The following PON3 variants were observed in gnomAD, a reference collection of about 807,000 sequenced individuals.
PON3 encodes the protein paraoxonase 3, also known as serum paraoxonase/lactonase 3.
Under a neutral mutation model 36.3 loss-of-function variants are expected in PON3, and 37 were observed. The observed-to-expected ratio is 1.02, with a 90% CI of 0.78 to 1.34. The LOEUF is 1.34. Ranked by LOEUF, PON3 falls within the 40% of genes most tolerant of loss-of-function variation. PON3 has a pLI of 0.00. For missense variants in PON3, 415 were observed against 426.5 expected (o/e 0.97, Z 0.24); for synonymous variants, 155 against 154.8 (o/e 1.00, Z -0.01).
At chr7:95,372,118 T>A in intron 4 of PON3, 55 bp downstream of exon 4, 1 of 1,548,388 alleles carries the variant, frequency 6.5e-7, no homozygotes, top group Non-Finnish European at 8.9e-7. Flanking sequence ...GGGCTGGAGA[T>A]AAATGGTTTC....
In PON3 at chr7:95,394,643, C is replaced by G; in HGVS notation, c.145+1G>C. ...TCCTCTTGGTACTGTCACATACATA[C>G]CAAGTTCCTCAATAAGGTGGCAGTT... On this transcript the variant is annotated splice_donor_variant, in intron 2 of 8. Coordinates refer to ENST00000265627, the MANE Select transcript of PON3 (RefSeq NM_000940.3). LOFTEE classifies it high-confidence loss of function. 1 of 1,613,590 alleles carries G rather than the reference C, an allele frequency of 6.2e-7. No homozygotes were observed. Among genetic ancestry groups the G allele is most frequent in the East Asian group, 2.2e-5 (1 of 44,862 alleles).
intron 4 of PON3, among the ~76,000 whole-genome samples, chr7:95,371,113 G>C (rs1189653847): frequency 6.6e-6 from 1 of 152,144 alleles, no homozygotes; most frequent in Non-Finnish European, 1.5e-5. Flanking sequence ...CCATATTATA[G>C]CATGCATGAG....
chr7:95,384,676 C>T (rs903416682), intron 3 of PON3, among the ~76,000 whole-genome samples: 14 of 152,050 alleles, frequency 9.2e-5, no homozygotes, highest in African/African-American at 2.4e-4. Context: ...GTTAGAATGA[C>T]GATCATTAAA....
At chr7:95,362,548 C>T (rs116755017) in intron 7 of PON3, 58 bp from the exon 8 acceptor site, 2 of 1,609,596 alleles carry the variant, frequency 1.2e-6, no homozygotes, top group African/African-American at 2.7e-5. Flanking sequence ...GCTTTCTTCC[C>T]TATTCATCCC....
rs749382548 is a variant in PON3, at chr7:95,390,200, G to C, written c.155C>G (p.Ser52Cys). The change falls in exon 3 of 9, where the codon TCT becomes TGT. Residue 52 changes from serine (S) to cysteine (C), a missense_variant. Ser to Cys is a moderately radical substitution (Grantham distance 112). Transcript: ENST00000265627. ...ACTAGGAAGTATATCAATATCTTCA[G>C]AGCCACTTTCTGCAAAAGAAGGGTA... is the stretch of plus-strand genomic sequence containing the variant. ...CHLIEELESG[S>C]EDIDILPSGL... 1.9e-6 allele frequency: 3 copies of C among 1,611,398 alleles called. No homozygotes were observed. Among genetic ancestry groups the C allele is most frequent in the East Asian group, 2.2e-5 (1 of 44,862 alleles).
chr7:95,363,899 C>CA lies in PON3; in HGVS notation c.658dup (p.Cys220LeufsTer2). On this transcript the variant is annotated frameshift_variant, in exon 6 of 9. Coordinates refer to ENST00000265627, the MANE Select transcript of PON3 (RefSeq NM_000940.3). LOFTEE classifies it high-confidence loss of function. ...TGAGACTGTGATCCCATTGGCACTACAAAATCCTTTGGCCACCACTTTAAC... is the reference window on the plus strand; with the variant it reads ...TGAGACTGTGATCCCATTGGCACTACAAAAATCCTTTGGCCACCACTTTAAC... The CA allele has an allele frequency of 6.2e-7, 1 of 1,613,718 alleles. No homozygotes were observed. The highest frequency in any genetic ancestry group is 1.7e-4 in the Middle Eastern group (1 of 6,056).
chr7:95,386,658 G>T (rs953054956), intron 3 of PON3, among the ~76,000 whole-genome samples: 1 of 152,110 alleles, frequency 6.6e-6, no homozygotes, highest in African/African-American at 2.4e-5. Context: ...TGATACCAAA[G>T]CCTGGCAGAG....
At chr7:95,380,884 C>A (rs561757684) in intron 3 of PON3, among the ~76,000 whole-genome samples, 2 of 152,082 alleles carry the variant, frequency 1.3e-5, no homozygotes, top group African/African-American at 4.8e-5. Flanking sequence ...AACAGCAACT[C>A]CAAGACACAT....
chr7:95,375,119 TATGCTCCCCA>T (rs1808886117), intron 3 of PON3, among the ~76,000 whole-genome samples: 2 of 152,146 alleles, frequency 1.3e-5, no homozygotes, highest in South Asian at 4.2e-4. Context: ...AGGACATCAC[TATGCTCCCCA>T]ACATCAGAAC....
At chr7:95,382,358 A>G (rs1809078572) in intron 3 of PON3, among the ~76,000 whole-genome samples, 2 of 152,214 alleles carry the variant, frequency 1.3e-5, no homozygotes, top group Non-Finnish European at 2.9e-5. Context: ...AGATCAGAGC[A>G]GAACTGAAGG....
intron 5 of PON3, 93 bp downstream of exon 5, chr7:95,367,268 AC>A (rs2116382566): frequency 1.4e-6 from 2 of 1,478,004 alleles, no homozygotes; most frequent in East Asian, 4.5e-5. Flanking sequence ...CAATTTCAAA[AC>A]AAAAGTTTAA....
chr7:95,382,561 G>C (rs1446336402), intron 3 of PON3, among the ~76,000 whole-genome samples: 1 of 151,982 alleles, frequency 6.6e-6, no homozygotes, highest in African/African-American at 2.4e-5. Context: ...ACCATCACAG[G>C]ATACTATAAA....
rs759434895 is a variant in PON3 at position 95,372,264 on chromosome 7, T to C, written c.276A>G (p.Glu92=). The change falls in exon 4 of 9, where the codon GAA becomes GAG. Residue 92 remains glutamate (E), a synonymous_variant. Coordinates refer to ENST00000265627, the MANE Select transcript of PON3 (RefSeq NM_000940.3). ...PGKIFLMDLN[E]QNPRAQALEI... ...CTAGCGCTTGTGCCCTTGGGTTTTG[T>C]TCATTCAGATCCATCAAGAAGATTT... 2 of 1,614,010 alleles carry C rather than the reference T, an allele frequency of 1.2e-6. No individual in the cohort carries two copies. Among genetic ancestry groups the C allele is most frequent in the Non-Finnish European group, 1.7e-6 (2 of 1,179,894 alleles).
At chr7:95,379,818 A>T (rs1391301396) in intron 3 of PON3, among the ~76,000 whole-genome samples, 1 of 152,206 alleles carries the variant, frequency 6.6e-6, no homozygotes, top group Non-Finnish European at 1.5e-5. Flanking sequence ...ACCTCTGCAG[A>T]CTTAAATGTC....
At chr7:95,394,503 ATG>A in intron 2 of PON3, 139 bp downstream of exon 2, 1 of 729,704 alleles carries the variant, frequency 1.4e-6, no homozygotes, top group South Asian at 1.5e-5. Context: ...AAGACCTTGC[ATG>A]GGGCAGAGTG....
chr7:95,372,055 A>T (rs1808819461), intron 4 of PON3, 118 bp downstream of exon 4: 28 of 1,219,874 alleles, frequency 2.3e-5, no homozygotes, highest in Non-Finnish European at 3.1e-5. Context: ...TAAAAAAAAC[A>T]CATCTGTATG....
chr7:95,377,570 A>G lies in PON3; in HGVS notation c.202-5232T>C. 4.7e-6 allele frequency: 2 copies of G among 428,956 alleles called. 1 individual carries two copies. The highest frequency in any genetic ancestry group is 3.2e-5 in the South Asian group (2 of 62,234). The allele number at this position is 428,956 out of a possible 1,614,324, so 26.6% of individuals were successfully genotyped here. A position where few individuals can be genotyped will look rare whatever the true frequency, so the allele number is the denominator to read the frequency against. ...GATGCCCCTCTGGGATGAAGCTTCCAGAAGAAAAATCAGGCAGCAATATTT... is the reference window on the plus strand; with the variant it reads ...GATGCCCCTCTGGGATGAAGCTTCCGGAAGAAAAATCAGGCAGCAATATTT... On this transcript the variant is annotated intron_variant, in intron 3 of 8. Coordinates refer to ENST00000265627, the MANE Select transcript of PON3 (RefSeq NM_000940.3).
At chr7:95,389,391 C>CATGA (rs1809269150) in intron 3 of PON3, among the ~76,000 whole-genome samples, 1 of 151,888 alleles carries the variant, frequency 6.6e-6, no homozygotes, top group Non-Finnish European at 1.5e-5. Flanking sequence ...ATTTTATTGC[C>CATGA]CCAAATGGAA....
intron 3 of PON3, among the ~76,000 whole-genome samples, chr7:95,373,139 C>T (rs1352520067): frequency 6.6e-6 from 1 of 152,188 alleles, no homozygotes; most frequent in Non-Finnish European, 1.5e-5. Flanking sequence ...CCCTATCTAT[C>T]ACTGGATATA....
Sources: gnomAD v4.1 joint callset for allele counts (sites outside exome capture counted in the v4.1 genomes callset) on GRCh38, gnomAD v4.1.1 for gene constraint, MANE v1.5 for transcripts, NCBI Gene and HGNC (gene_info 2026-07-23, HGNC 2026-07-21) for gene names.